Variants in RAX2 observed in about 807,000 individuals in gnomAD.
The protein encoded by RAX2 is retina and anterior neural fold homeobox protein 2.
A neutral mutation model predicts 5.8 loss-of-function variants in RAX2; 4 were observed. The observed-to-expected ratio is 0.69, with a 90% confidence interval of 0.34 to 1.58. The LOEUF (loss-of-function observed/expected upper bound fraction) is 1.58. Among genes scored for constraint, RAX2 ranks in the 40% most tolerant of loss-of-function variants. The pLI, the probability that RAX2 is intolerant of heterozygous loss-of-function variation, is 0.05. For synonymous variants in RAX2, 133 were observed against 128.8 expected (o/e 1.03, Z -0.22); for missense variants, 275 against 271.4 (o/e 1.01, Z -0.09).
rs1365262031 is a variant in RAX2 at position 3,771,526 on chromosome 19, C to T, written c.216+1G>A. The T allele has an allele frequency of 1.9e-6, 3 of 1,591,266 alleles. No individual in the cohort carries two copies. Among genetic ancestry groups the T allele is most frequent in the East Asian group, 2.3e-5 (1 of 44,100 alleles). On this transcript the variant is annotated splice_donor_variant, in intron 2 of 2. Transcript: ENST00000555633. LOFTEE classifies it high-confidence loss of function. The surrounding 1 kb of genome is among the most constrained non-coding windows in gnomAD (Gnocchi z 4.2). The stretch of plus-strand genomic sequence containing the variant: ...ATGTGTGTGTTGGGGGGTGCCCTCA[C>T]CTGCACGCGCACCTCAGGTAGGTGC...
At position 3,770,916 on chromosome 19, in the gene RAX2, C is replaced by T. The variant is rs121908280; in HGVS notation, c.260G>A (p.Arg87Gln). The change falls in exon 3 of 3, where the codon CGG (arginine) becomes CAG (glutamine). Residue 87 changes from arginine to glutamine, a missense_variant. Transcript: ENST00000555633. Reference protein sequence around the residue: ...NRRAKWRRQERLESGSGAVAA... With the variant: ...NRRAKWRRQEQLESGSGAVAA... Reference sequence around the variant, plus strand: ...CACGGCACCCGAGCCTGACTCCAGCCGCTCCTGGCGGCGCCACTTGGCCCG... The same window carrying T: ...CACGGCACCCGAGCCTGACTCCAGCTGCTCCTGGCGGCGCCACTTGGCCCG... The T allele has an allele frequency of 2.2e-4, 339 of 1,557,406 alleles. No individual in the cohort carries two copies. Among genetic ancestry groups the T allele is most frequent in the Non-Finnish European group, 2.7e-4 (317 of 1,159,040 alleles).
chr19:3,772,067 C>A, intron 1 of RAX2, 57 bp from the exon 2 acceptor site: 3 of 457,612 alleles, frequency 6.6e-6, no homozygotes, highest in South Asian at 5.9e-5. Context: ...TCAAGGAAGG[C>A]AGGATCCCTT....
Position 3,771,035 on chromosome 19 carries a change from A to G in RAX2, c.217-76T>C, listed in dbSNP as rs1368272906. Reference sequence around the variant, plus strand: ...GCCAATCCTCGGACCCCCTCTGCACACCCCAGCCCTGGGGGTTCTGACTCC... The same window carrying G: ...GCCAATCCTCGGACCCCCTCTGCACGCCCCAGCCCTGGGGGTTCTGACTCC... On this transcript the variant is annotated intron_variant, in intron 2 of 2. Transcript: ENST00000555633. The surrounding 1 kb of genome is among the most constrained non-coding windows in gnomAD (Gnocchi z 4.2). 1.7e-6 allele frequency: 2 copies of G among 1,174,240 alleles called. No individual in the cohort carries two copies. Among genetic ancestry groups the G allele is most frequent in the African/African-American group, 3.0e-5 (2 of 65,578 alleles). The allele number at this position is 1,174,240 out of a possible 1,614,324, so 72.7% of individuals were successfully genotyped here.
Position 3,770,862 on chromosome 19 carries a change from G to A in RAX2, c.314C>T (p.Ala105Val), listed in dbSNP as rs772425151. 59 of 1,533,340 alleles carry A rather than the reference G, an allele frequency of 3.8e-5. No homozygotes were observed. Among genetic ancestry groups the A allele is most frequent in the South Asian group, 8.3e-5 (7 of 84,102 alleles). The allele number at this position is 1,533,340 out of a possible 1,614,324, so 95.0% of individuals were successfully genotyped here. The change falls in exon 3 of 3, where the codon GCG (alanine) becomes GTG (valine). Residue 105 changes from alanine to valine, a missense_variant. Physicochemically the swap from Ala to Val is moderately conservative, Grantham distance 64. Transcript: ENST00000555633. ...GGCCGGGGGGCGGGCGAACGGCAGC[G>A]CTGGGGCCTCGGGGAGTCTCGGAGC... ...VAAPRLPEAP[A>V]LPFARPPAMS...
In RAX2 at chr19:3,771,788, G is replaced by A. The variant is rs560596079; in HGVS notation, c.-46C>T. 2.3e-5 allele frequency: 36 copies of A among 1,532,960 alleles called. No individual in the cohort carries two copies. In the Middle Eastern group the frequency reaches 1.0e-3, roughly 44 times the overall value. The allele number at this position is 1,532,960 out of a possible 1,614,324, so 95.0% of individuals were successfully genotyped here. ...GCAGCGGGACAGATGGTGGGGAGAC[G>A]GCTGGGGGGGCTACCGGCAGGGACA... On this transcript the variant is annotated 5_prime_UTR_variant, in exon 2 of 3. Coordinates refer to ENST00000555633, the MANE Select transcript of RAX2 (RefSeq NM_001319074.4). This position sits in a 1 kb window ranked among gnomAD's most constrained non-coding sequence, Gnocchi z 4.2.
At position 3,771,987 on chromosome 19, in the gene RAX2, T is replaced by G; in HGVS notation, c.-245A>C. ...GTGTGTCACCGTCCCTGTTTTCTCT[T>G]CCCCTCTCTGTGACTGTCACGGCCT... is the stretch of plus-strand genomic sequence containing the variant. On this transcript the variant is annotated 5_prime_UTR_variant, in exon 2 of 3. Coordinates refer to ENST00000555633, the MANE Select transcript of RAX2 (RefSeq NM_001319074.4). The surrounding 1 kb of genome is among the most constrained non-coding windows in gnomAD (Gnocchi z 4.2). 19 of 566,278 alleles carry G rather than the reference T, an allele frequency of 3.4e-5. No individual in the cohort carries two copies. The highest frequency in any genetic ancestry group is 4.1e-5 in the African/African-American group (2 of 49,140). The allele number at this position is 566,278 out of a possible 1,614,324, so 35.1% of individuals were successfully genotyped here.
In RAX2 at chr19:3,771,061, C is replaced by CGGGA; in HGVS notation, c.217-103_217-102insTCCC. 1 of 870,102 alleles carries CGGGA rather than the reference C, an allele frequency of 1.1e-6. No individual in the cohort carries two copies. The highest frequency in any genetic ancestry group is 1.8e-6 in the Non-Finnish European group (1 of 550,522). The allele number at this position is 870,102 out of a possible 1,614,324, so 53.9% of individuals were successfully genotyped here. A position where few individuals can be genotyped will look rare whatever the true frequency, so the allele number is the denominator to read the frequency against. ...CCCCAGCCCTGGGGGTTCTGACTCC[C>CGGGA]GTCTGACCCGACTCCTACCTGCTGC... On this transcript the variant is annotated intron_variant, in intron 2 of 2. Coordinates refer to ENST00000555633, the MANE Select transcript of RAX2 (RefSeq NM_001319074.4). The surrounding 1 kb of genome is among the most constrained non-coding windows in gnomAD (Gnocchi z 4.2).
rs748592898 is a variant in RAX2 at position 3,770,592 on chromosome 19, C to G, written c.*29G>C. On this transcript the variant is annotated 3_prime_UTR_variant, in exon 3 of 3. Transcript: ENST00000555633. ...CACGTCCCCGGTTCTCGGGTTGGGCCGAGGAGGGGGCCCGGGAGGGCGGCA... is the reference window on the plus strand; with the variant it reads ...CACGTCCCCGGTTCTCGGGTTGGGCGGAGGAGGGGGCCCGGGAGGGCGGCA... 21 of 1,525,398 alleles carry G rather than the reference C, an allele frequency of 1.4e-5. No individual in the cohort carries two copies. The highest frequency in any genetic ancestry group is 4.9e-5 in the East Asian group (2 of 40,548). 94.5% of individuals were successfully genotyped at this position (1,525,398 alleles called of 1,614,324 possible). A position where few individuals can be genotyped will look rare whatever the true frequency, so the allele number is the denominator to read the frequency against.
Position 3,771,843 on chromosome 19 carries a change from G to A in RAX2, c.-101C>T. 6.8e-7 allele frequency: 1 copy of A among 1,465,098 alleles called. No individual in the cohort carries two copies. The highest frequency in any genetic ancestry group is 9.0e-7 in the Non-Finnish European group (1 of 1,110,138). The allele number at this position is 1,465,098 out of a possible 1,614,324, so 90.8% of individuals were successfully genotyped here. A position where few individuals can be genotyped will look rare whatever the true frequency, so the allele number is the denominator to read the frequency against. On this transcript the variant is annotated 5_prime_UTR_variant, in exon 2 of 3. Transcript: ENST00000555633. The surrounding 1 kb of genome is among the most constrained non-coding windows in gnomAD (Gnocchi z 4.2). ...AGGGGAGCCCCAGGCTTGCCTCCCGGCTCCGGGGAAATCGGTTCCCTCCAC... is the reference window on the plus strand; with the variant it reads ...AGGGGAGCCCCAGGCTTGCCTCCCGACTCCGGGGAAATCGGTTCCCTCCAC...
chr19:3,771,595 G>A lies in RAX2; in HGVS notation c.148C>T (p.His50Tyr), dbSNP rs565566531. Residue 50 changes from histidine to tyrosine, a missense_variant, in exon 2 of 3, where the codon CAC becomes TAC. By Grantham distance (83) the His-to-Tyr change is moderately conservative (BLOSUM62 2). Coordinates refer to ENST00000555633, the MANE Select transcript of RAX2 (RefSeq NM_001319074.4). This position sits in a 1 kb window ranked among gnomAD's most constrained non-coding sequence, Gnocchi z 4.2. Reference sequence around the variant, plus strand: ...TCACGGCTGTACACATCCGGGTAGTGAGAGGCCTCGAACGCCCGCTCCAGC... The same window carrying A: ...TCACGGCTGTACACATCCGGGTAGTAAGAGGCCTCGAACGCCCGCTCCAGC... Reference protein sequence around the residue: ...HQLERAFEASHYPDVYSREEL... With the variant: ...HQLERAFEASYYPDVYSREEL... 1.1e-5 allele frequency: 18 copies of A among 1,611,954 alleles called. No homozygotes were observed. In the South Asian group the frequency reaches 1.4e-4, roughly 13 times the overall value.
chr19:3,771,950 C>A lies in RAX2; in HGVS notation c.-208G>T, dbSNP rs916002951. 1.1e-4 allele frequency: 101 copies of A among 882,458 alleles called. No individual in the cohort carries two copies. The highest frequency in any genetic ancestry group is 1.6e-4 in the Non-Finnish European group (94 of 594,920). 54.7% of individuals were successfully genotyped at this position (882,458 alleles called of 1,614,324 possible). A position where few individuals can be genotyped will look rare whatever the true frequency, so the allele number is the denominator to read the frequency against. On this transcript the variant is annotated 5_prime_UTR_variant, in exon 2 of 3. Transcript: ENST00000555633. The surrounding 1 kb of genome is among the most constrained non-coding windows in gnomAD (Gnocchi z 4.2). ...TCCTGCTGTGCCTCTGTCTGCTCTT[C>A]CTTCTCTCTGTGTGTGTCACCGTCC...
In RAX2 at chr19:3,770,856, G is replaced by A. The variant is rs774846243; in HGVS notation, c.320C>T (p.Pro107Leu). 5 of 1,530,590 alleles carry A rather than the reference G, an allele frequency of 3.3e-6. No individual in the cohort carries two copies. The highest frequency in any genetic ancestry group is 1.4e-5 in the African/African-American group (1 of 72,468). 94.8% of individuals were successfully genotyped at this position (1,530,590 alleles called of 1,614,324 possible). A position where few individuals can be genotyped will look rare whatever the true frequency, so the allele number is the denominator to read the frequency against. The change falls in exon 3 of 3, where the codon CCG becomes CTG. Residue 107 changes from proline to leucine, a missense_variant. Coordinates refer to ENST00000555633, the MANE Select transcript of RAX2 (RefSeq NM_001319074.4). The stretch of plus-strand genomic sequence containing the variant: ...CGACATGGCCGGGGGGCGGGCGAAC[G>A]GCAGCGCTGGGGCCTCGGGGAGTCT... The part of the protein sequence containing the change: ...APRLPEAPAL[P>L]FARPPAMSLP...
In RAX2 at chr19:3,771,398, A is replaced by C. The variant is rs575241440; in HGVS notation, c.216+129T>G. The stretch of plus-strand genomic sequence containing the variant: ...ACTCCTACTCAAATGTCAAAACCTC[A>C]GCTCCCACACCCCCTCCTCCAGGAA... On this transcript the variant is annotated intron_variant, in intron 2 of 2. Transcript: ENST00000555633. The surrounding 1 kb of genome is among the most constrained non-coding windows in gnomAD (Gnocchi z 4.2). The C allele has an allele frequency of 1.3e-6, 1 of 761,394 alleles. No individual in the cohort carries two copies. Among genetic ancestry groups the C allele is most frequent in the Non-Finnish European group, 2.2e-6 (1 of 452,120 alleles). The allele number at this position is 761,394 out of a possible 1,614,324, so 47.2% of individuals were successfully genotyped here.
Position 3,771,500 on chromosome 19 carries a change from G to A in RAX2, c.216+27C>T. 6.4e-7 allele frequency: 1 copy of A among 1,551,488 alleles called. No individual in the cohort carries two copies. Among genetic ancestry groups the A allele is most frequent in the South Asian group, 1.2e-5 (1 of 85,264 alleles). On this transcript the variant is annotated intron_variant, in intron 2 of 2. Transcript: ENST00000555633. This position sits in a 1 kb window ranked among gnomAD's most constrained non-coding sequence, Gnocchi z 4.2. Reference sequence around the variant, plus strand: ...TTGCCTCCCTCCCCAGGTTGCAAAAGATGTGTGTGTTGGGGGGTGCCCTCA... The same window carrying A: ...TTGCCTCCCTCCCCAGGTTGCAAAAAATGTGTGTGTTGGGGGGTGCCCTCA...
In RAX2 at chr19:3,771,759, G is replaced by T. The variant is rs375810903; in HGVS notation, c.-17C>A. The T allele has an allele frequency of 7.6e-6, 12 of 1,578,722 alleles. No individual in the cohort carries two copies. Among genetic ancestry groups the T allele is most frequent in the Non-Finnish European group, 1.0e-5 (12 of 1,166,608 alleles). On this transcript the variant is annotated 5_prime_UTR_variant, in exon 2 of 3. Coordinates refer to ENST00000555633, the MANE Select transcript of RAX2 (RefSeq NM_001319074.4). This position sits in a 1 kb window ranked among gnomAD's most constrained non-coding sequence, Gnocchi z 4.2. ...CAGGAACATGGCTCCCACCTGGTGGGACGGCAGCGGGACAGATGGTGGGGA... is the reference window on the plus strand; with the variant it reads ...CAGGAACATGGCTCCCACCTGGTGGTACGGCAGCGGGACAGATGGTGGGGA...
At position 3,771,707 on chromosome 19, in the gene RAX2, C is replaced by T. The variant is rs898244077; in HGVS notation, c.36G>A (p.Glu12=). 6.8e-6 allele frequency: 11 copies of T among 1,610,288 alleles called. No homozygotes were observed. The highest frequency in any genetic ancestry group is 9.3e-6 in the Non-Finnish European group (11 of 1,179,532). ...CCTCGCCCGGCCCCAGACCCCCACCCTCGGTTGCCGGCCCCTCGCCCGGGC... is the reference window on the plus strand; with the variant it reads ...CCTCGCCCGGCCCCAGACCCCCACCTTCGGTTGCCGGCCCCTCGCCCGGGC... ...FLSPGEGPAT[E]GGGLGPGEEA... The change falls in exon 2 of 3, where the codon GAG becomes GAA. Residue 12 remains glutamate, a synonymous_variant. Transcript: ENST00000555633. This position sits in a 1 kb window ranked among gnomAD's most constrained non-coding sequence, Gnocchi z 4.2.
rs551864984 is a variant in RAX2, at chr19:3,769,844, C to G, written c.*777G>C. 1 of 152,760 alleles carries G rather than the reference C, an allele frequency of 6.5e-6. No homozygotes were observed. Among genetic ancestry groups the G allele is most frequent in the Non-Finnish European group, 1.5e-5 (1 of 68,532 alleles). The allele number at this position is 152,760 out of a possible 1,614,324, so 9.5% of individuals were successfully genotyped here. On this transcript the variant is annotated 3_prime_UTR_variant, in exon 3 of 3. Transcript: ENST00000555633. ...TGTGGGGACGTGAGGAACGGTCTGA[C>G]GATGACGACACACCCAGCATCAGCC...
rs751453416 is a variant in RAX2 at position 3,770,900 on chromosome 19, C to G, written c.276G>C (p.Ser92=). 7 of 1,547,538 alleles carry G rather than the reference C, an allele frequency of 4.5e-6. No individual in the cohort carries two copies. Among genetic ancestry groups the G allele is most frequent in the Middle Eastern group, 1.8e-4 (1 of 5,686 alleles). Residue 92 remains serine (S), a synonymous_variant, in exon 3 of 3, where the codon TCG becomes TCC. Transcript: ENST00000555633. The part of the protein sequence containing the change: ...WRRQERLESG[S]GAVAAPRLPE... ...GGAGTCTCGGAGCTGCCACGGCACC[C>G]GAGCCTGACTCCAGCCGCTCCTGGC... is the stretch of plus-strand genomic sequence containing the variant.
intron 1 of RAX2, 26 bp from the exon 2 acceptor site, chr19:3,772,036 G>T (rs1568401520): frequency 3.9e-6 from 2 of 512,484 alleles, no homozygotes; most frequent in Non-Finnish European, 3.6e-6. Context: ...TCGGCGGGGG[G>T]GGGTCAAGGA....
Sources: allele counts gnomAD v4.1 joint callset, GRCh38; gene constraint gnomAD v4.1.1; non-coding constraint Gnocchi (gnomAD v3.1); transcripts MANE v1.5; gene names NCBI Gene and HGNC (gene_info 2026-07-23, HGNC 2026-07-21).